The following ASCC3 variants were observed in gnomAD, a reference collection of about 807,000 sequenced individuals.
ASCC3 encodes the protein activating signal cointegrator 1 complex subunit 3.
ASCC3 carries 158 observed loss-of-function variants against 256.3 expected under a neutral mutation model. The observed-to-expected ratio is 0.62, with a 90% CI of 0.54 to 0.70. ASCC3 has a LOEUF of 0.70. ASCC3 is among the 30% of genes least tolerant of loss of function. The pLI is 0.00. For synonymous variants in ASCC3, 948 were observed against 883.4 expected (o/e 1.07, Z -1.30); for missense variants, 2,259 against 2,626.0 (o/e 0.86, Z 3.05).
intron 36 of ASCC3, among the ~76,000 whole-genome samples, chr6:100,586,291 G>T (rs1473480108): frequency 6.6e-6 from 1 of 152,176 alleles, no homozygotes; most frequent in Non-Finnish European, 1.5e-5. Context: ...GCAATGGCGG[G>T]TGACCCTTCC....
intron 10 of ASCC3, among the ~76,000 whole-genome samples, chr6:100,760,077 T>C (rs1358753732): frequency 6.6e-6 from 1 of 152,192 alleles, no homozygotes; most frequent in Non-Finnish European, 1.5e-5. Flanking sequence ...GTTTTCTAAA[T>C]ATAAAATCAT....
At chr6:100,668,565 C>A (rs1408466955) in intron 14 of ASCC3, among the ~76,000 whole-genome samples, 2 of 151,900 alleles carry the variant, frequency 1.3e-5, no homozygotes, top group African/African-American at 2.4e-5. Flanking sequence ...AACACTTAAA[C>A]TGATTCTACA....
chr6:100,569,461 C>T (rs974895703), intron 36 of ASCC3, among the ~76,000 whole-genome samples: 2 of 152,004 alleles, frequency 1.3e-5, no homozygotes, highest in Admixed American at 6.6e-5. Flanking sequence ...GGCTCCACTG[C>T]AAGCTCTGCC....
At chr6:100,686,866 G>A (rs1469202928) in intron 13 of ASCC3, among the ~76,000 whole-genome samples, 1 of 151,984 alleles carries the variant, frequency 6.6e-6, no homozygotes, top group Non-Finnish European at 1.5e-5. Context: ...TTATCAATTT[G>A]TTGGTCCTTT....
In ASCC3 at chr6:100,508,547, ATAAT is replaced by A. The variant is rs1000059174; in HGVS notation, c.*835_*838del. 6.6e-6 allele frequency: 1 copy of A among 152,168 alleles called. No individual in the cohort carries two copies. The highest frequency in any genetic ancestry group is 1.5e-5 in the Non-Finnish European group (1 of 68,018). 9.4% of individuals were successfully genotyped at this position (152,168 alleles called of 1,614,324 possible). ...TTTTTCCTGGAGAGCATAAAGACAA[ATAAT>A]TGTACTATATGATCTGTAAGTGCTA... On this transcript the variant is annotated 3_prime_UTR_variant, in exon 42 of 42. Coordinates refer to ENST00000369162, the MANE Select transcript of ASCC3 (RefSeq NM_006828.4).
chr6:100,755,071 A>T (rs1402535352), intron 10 of ASCC3, among the ~76,000 whole-genome samples: 1 of 151,894 alleles, frequency 6.6e-6, no homozygotes, highest in African/African-American at 2.4e-5. Context: ...GACTAATACG[A>T]GATCCCGCAA....
At position 100,655,763 on chromosome 6, in the gene ASCC3, G is replaced by C. The variant is rs1306601408; in HGVS notation, c.2759C>G (p.Thr920Ser). The stretch of plus-strand genomic sequence containing the variant: ...TGCTCTCATCCGTACATAAAGATAA[G>C]TGTAACTTATCCACTTCACTGCTTC... Reference protein sequence around the residue: ...VEEAVKWISYTYLYVRMRANP... With the variant: ...VEEAVKWISYSYLYVRMRANP... Residue 920 changes from threonine to serine, a missense_variant, in exon 17 of 42, where the codon ACT becomes AGT. This residue lies in a region of ASCC3 where 1,839 missense variants were observed against 2,206.7 expected (regional missense o/e 0.83). Transcript: ENST00000369162. 4 of 1,611,814 alleles carry C rather than the reference G, an allele frequency of 2.5e-6. No individual in the cohort carries two copies. In the Admixed American group the frequency reaches 6.7e-5, roughly 27 times the overall value.
chr6:100,599,756 T>C (rs564585450), intron 34 of ASCC3, among the ~76,000 whole-genome samples: 3 of 152,150 alleles, frequency 2.0e-5, no homozygotes, highest in Non-Finnish European at 2.9e-5. Context: ...AAGTACTAAA[T>C]TGGCCTCAGA....
At chr6:100,729,185 G>C (rs1251151979) in intron 10 of ASCC3, among the ~76,000 whole-genome samples, 1 of 152,118 alleles carries the variant, frequency 6.6e-6, no homozygotes, top group Admixed American at 6.5e-5. Flanking sequence ...TTAGAATGAA[G>C]GAGCTAGTGT....
In ASCC3 at chr6:100,602,701, A is replaced by G. The variant is rs748981289; in HGVS notation, c.5178-766T>C. ...TGTAAATATTAAAGTCCCTAGTCATATAAGACATTATGTATTAGGTGTTGT... is the reference window on the plus strand; with the variant it reads ...TGTAAATATTAAAGTCCCTAGTCATGTAAGACATTATGTATTAGGTGTTGT... On this transcript the variant is annotated intron_variant, in intron 33 of 41. Transcript: ENST00000369162. Among the ~76,000 whole-genome samples the G allele has an allele frequency of 1.6e-4, 24 of 152,128 alleles. 1 individual carries two copies. The highest frequency in any genetic ancestry group is 1.2e-4 in the Non-Finnish European group (8 of 67,988).
At chr6:100,543,184 T>C (rs1036951561) in intron 36 of ASCC3, among the ~76,000 whole-genome samples, 3 of 151,896 alleles carry the variant, frequency 2.0e-5, no homozygotes, top group Non-Finnish European at 4.4e-5. Context: ...TCCTCCTGTA[T>C]ACTTTAAGTC....
At chr6:100,682,565 T>C (rs1340914642) in intron 13 of ASCC3, among the ~76,000 whole-genome samples, 1 of 152,190 alleles carries the variant, frequency 6.6e-6, no homozygotes, top group African/African-American at 2.4e-5. Flanking sequence ...ATGGAGCTAC[T>C]TGGTTTTCTG....
At chr6:100,818,932 A>G (rs1770903337) in intron 4 of ASCC3, among the ~76,000 whole-genome samples, 1 of 152,130 alleles carries the variant, frequency 6.6e-6, no homozygotes, top group African/African-American at 2.4e-5. Context: ...TCCATCAGTG[A>G]TAGACTGGAT....
At chr6:100,742,519 C>G (rs1219979076) in intron 10 of ASCC3, among the ~76,000 whole-genome samples, 1 of 152,220 alleles carries the variant, frequency 6.6e-6, no homozygotes, top group Admixed American at 6.5e-5. Flanking sequence ...ACTGCAGGAG[C>G]TCCATCCCAG....
In ASCC3 at chr6:100,675,304, T is replaced by A. The variant is rs192000548; in HGVS notation, c.2286+4314A>T. On this transcript the variant is annotated intron_variant, in intron 14 of 41. Transcript: ENST00000369162. ...CTGTGAAGATGATATTTTGCATATA[T>A]TTAAAGCAAAAAACAAAAGTAAGAG... Among the ~76,000 whole-genome samples the A allele has an allele frequency of 1.1e-3, 174 of 152,224 alleles. 2 individuals carry two copies. Among genetic ancestry groups the A allele is most frequent in the Admixed American group, 4.6e-3 (70 of 15,300 alleles).
In ASCC3 at chr6:100,589,624, A is replaced by G; in HGVS notation, c.5550+10T>C. 6.2e-7 allele frequency: 1 copy of G among 1,613,138 alleles called. No individual in the cohort carries two copies. Among genetic ancestry groups the G allele is most frequent in the Non-Finnish European group, 8.5e-7 (1 of 1,179,636 alleles). ...TAAAAGAGAAGATATGAAATATATG[A>G]AAAACTCACACTTAGAATTGAAAGC... is the stretch of plus-strand genomic sequence containing the variant. On this transcript the variant is annotated intron_variant, in intron 36 of 41. Coordinates refer to ENST00000369162, the MANE Select transcript of ASCC3 (RefSeq NM_006828.4).
chr6:100,546,255 T>C (rs1460268097), intron 36 of ASCC3, among the ~76,000 whole-genome samples: 1 of 152,020 alleles, frequency 6.6e-6, no homozygotes, highest in African/African-American at 2.4e-5. Context: ...ATAAAGAGGA[T>C]CCAACTAAAT....
chr6:100,663,816 G>A (rs2114935269), intron 14 of ASCC3, among the ~76,000 whole-genome samples: 1 of 152,156 alleles, frequency 6.6e-6, no homozygotes, highest in Admixed American at 6.6e-5. Flanking sequence ...GATGAAAAAG[G>A]CTTTAAATTT....
At chr6:100,865,985 T>TATTTATTTATTC (rs1554249754) in intron 2 of ASCC3, among the ~76,000 whole-genome samples, 5 of 151,754 alleles carry the variant, frequency 3.3e-5, no homozygotes, top group African/African-American at 1.2e-4. Flanking sequence ...TTTATTTATT[T>TATTTATTTATTC]TTGAGATGGA....
Sources: gnomAD v4.1 joint callset for allele counts (sites outside exome capture counted in the v4.1 genomes callset) on GRCh38, gnomAD v4.1.1 for gene constraint, gnomAD v4.1.1 regional missense constraint, MANE v1.5 for transcripts, NCBI Gene and HGNC (gene_info 2026-07-23, HGNC 2026-07-21) for gene names.